SLA2: variants seen among roughly 807,000 people sequenced by gnomAD.
SLA2 encodes Src like adaptor 2, also known as src-like-adapter 2.
A neutral mutation model predicts 27.3 loss-of-function variants in SLA2; 22 were observed. The observed-to-expected ratio is 0.81, with a 90% CI of 0.58 to 1.15. The LOEUF (loss-of-function observed/expected upper bound fraction) is 1.15, where lower values mean the gene tolerates loss of function less well. Ranked by LOEUF, SLA2 falls within the 50% of genes most tolerant of loss-of-function variation. The pLI is 0.00. For missense variants in SLA2, 304 were observed against 322.2 expected (o/e 0.94, Z 0.43); for synonymous variants, 131 against 137.8 (o/e 0.95, Z 0.34).
chr20:36,633,675 GCCC>G (rs761873969), intron 3 of SLA2, 46 bp from the exon 4 acceptor site: 6 of 1,527,538 alleles, frequency 3.9e-6, no homozygotes, highest in Non-Finnish European at 5.4e-6. Context: ...ATGAGCCAAG[GCCC>G]CGACAACCAC....
At chr20:36,619,031 G>A (rs753712015) in intron 5 of SLA2, among the ~76,000 whole-genome samples, 1 of 150,736 alleles carries the variant, frequency 6.6e-6, no homozygotes, top group Non-Finnish European at 1.5e-5. Context: ...ATTGAGATGC[G>A]TCTGACTAAC....
intron 5 of SLA2, among the ~76,000 whole-genome samples, chr20:36,628,607 G>A (rs1393133202): frequency 2.6e-5 from 4 of 152,124 alleles, no homozygotes; most frequent in Admixed American, 6.6e-5. Context: ...GTCCAGTGGT[G>A]TGATCATAGC....
At chr20:36,633,790 A>C (rs1192418965) in intron 3 of SLA2, among the ~76,000 whole-genome samples, 161 bp from the exon 4 acceptor site, 1 of 151,556 alleles carries the variant, frequency 6.6e-6, no homozygotes, top group Non-Finnish European at 1.5e-5. Context: ...GTACCTCCTG[A>C]GTCAGGGCTG....
At chr20:36,643,901 G>A (rs1978285612) in intron 1 of SLA2, among the ~76,000 whole-genome samples, 3 of 152,098 alleles carry the variant, frequency 2.0e-5, no homozygotes, top group African/African-American at 7.2e-5. Context: ...GCAGTGAGCC[G>A]AGATTGTGCC....
chr20:36,625,315 T>C (rs141292297), intron 5 of SLA2, among the ~76,000 whole-genome samples: 2,806 of 145,646 alleles, frequency 0.019, 86 homozygotes, highest in African/African-American at 0.067. Context: ...CTCCACCTCC[T>C]GGTTTCAAGC....
chr20:36,633,017 C>T (rs1425143778), intron 4 of SLA2, among the ~76,000 whole-genome samples: 1 of 152,226 alleles, frequency 6.6e-6, no homozygotes, highest in Non-Finnish European at 1.5e-5. Flanking sequence ...CCAAAGCACC[C>T]TGATTCTATC....
intron 5 of SLA2, among the ~76,000 whole-genome samples, chr20:36,625,670 A>G (rs2039329819): frequency 6.6e-6 from 1 of 151,940 alleles, no homozygotes; most frequent in Non-Finnish European, 1.5e-5. Flanking sequence ...TGTCTCTACA[A>G]AAATTTAAAA....
intron 5 of SLA2, among the ~76,000 whole-genome samples, chr20:36,630,584 T>G (rs1703181886): frequency 6.6e-6 from 1 of 152,206 alleles, no homozygotes; most frequent in Non-Finnish European, 1.5e-5. Context: ...TTACTAGCTG[T>G]GTTTCCCCAG....
At chr20:36,627,862 A>G (rs747580669) in intron 5 of SLA2, among the ~76,000 whole-genome samples, 3 of 152,192 alleles carry the variant, frequency 2.0e-5, no homozygotes, top group Non-Finnish European at 4.4e-5. Flanking sequence ...TCAGGGCCCC[A>G]GGCCTTCCTC....
At chr20:36,625,228 T>C (rs918627518) in intron 5 of SLA2, among the ~76,000 whole-genome samples, 9 of 148,090 alleles carry the variant, frequency 6.1e-5, no homozygotes, top group African/African-American at 2.3e-4. Flanking sequence ...TTTTTTTTTT[T>C]TTTTTTTTTT....
At chr20:36,641,076 T>C (rs2039501976) in intron 2 of SLA2, among the ~76,000 whole-genome samples, 169 bp downstream of exon 2, 1 of 152,182 alleles carries the variant, frequency 6.6e-6, no homozygotes, top group Non-Finnish European at 1.5e-5. Flanking sequence ...AGGTAGGCTG[T>C]ATAGGAGCAG....
chr20:36,626,119 C>T (rs1034970657), intron 5 of SLA2, among the ~76,000 whole-genome samples: 3 of 151,216 alleles, frequency 2.0e-5, no homozygotes, highest in Admixed American at 2.0e-4. Flanking sequence ...TACAGCTGGG[C>T]GCAGTGGCTC....
chr20:36,637,360 G>A (rs769457592), intron 2 of SLA2, among the ~76,000 whole-genome samples: 3 of 151,422 alleles, frequency 2.0e-5, no homozygotes, highest in Admixed American at 6.6e-5. Flanking sequence ...CCACCACCAT[G>A]CCTGGCTACT....
intron 6 of SLA2, chr20:36,614,738 A>T (rs1035554613): frequency 1.8e-5 from 18 of 985,238 alleles, no homozygotes; most frequent in Non-Finnish European, 2.2e-5. Context: ...GTCTACTTCT[A>T]CTCACTGTCT....
In SLA2 at chr20:36,628,271, C is replaced by T. The variant is rs541018796; in HGVS notation, c.382+4324G>A. Among the ~76,000 whole-genome samples the T allele has an allele frequency of 2.0e-5, 3 of 152,268 alleles. No homozygotes were observed. The South Asian group carries it at 6.2e-4, about 32-fold the overall frequency. The stretch of plus-strand genomic sequence containing the variant: ...CCCCTAGAGTCACTGTGGTGTCAAA[C>T]CACAGTATAAAAGTTTACACTGTGA... On this transcript the variant is annotated intron_variant, in intron 5 of 7. Coordinates refer to ENST00000262866, the MANE Select transcript of SLA2 (RefSeq NM_032214.4).
intron 5 of SLA2, among the ~76,000 whole-genome samples, chr20:36,620,099 A>T (rs2039264900): frequency 2.0e-5 from 3 of 150,404 alleles, no homozygotes; most frequent in Admixed American, 6.7e-5. Flanking sequence ...TCAAGAAAAA[A>T]TAAAAACAAT....
intron 2 of SLA2, among the ~76,000 whole-genome samples, chr20:36,636,553 G>A (rs1346065006): frequency 7.6e-5 from 11 of 144,402 alleles, no homozygotes; most frequent in East Asian, 6.1e-4. Flanking sequence ...TGCGGTGAGC[G>A]GAGATCACAT....
At chr20:36,630,472 T>C (rs1289360387) in intron 5 of SLA2, among the ~76,000 whole-genome samples, 2 of 152,230 alleles carry the variant, frequency 1.3e-5, no homozygotes, top group Admixed American at 6.5e-5. Context: ...TTCCCTGGTC[T>C]GTTGCTATGC....
intron 6 of SLA2, 54 bp downstream of exon 6, chr20:36,615,171 G>C: frequency 6.2e-7 from 1 of 1,612,118 alleles, no homozygotes; most frequent in Admixed American, 1.7e-5. Context: ...ACCACTGCCT[G>C]CTCCTCCCCA....
Sources: gnomAD v4.1 joint callset for allele counts (sites outside exome capture counted in the v4.1 genomes callset) on GRCh38, gnomAD v4.1.1 for gene constraint, MANE v1.5 for transcripts, NCBI Gene and HGNC (gene_info 2026-07-23, HGNC 2026-07-21) for gene names.